SCFD2: variants seen among roughly 807,000 people sequenced by gnomAD.
The protein encoded by SCFD2 is sec1 family domain-containing protein 2.
In SCFD2, 54 loss-of-function variants were observed where a neutral mutation model predicts 58.9. That is an observed-to-expected ratio of 0.92 (90% CI 0.74 to 1.15). SCFD2 has a LOEUF of 1.15. SCFD2 is among the 50% of genes most tolerant of loss of function. The probability of loss-of-function intolerance (pLI) is 0.00; values close to 1 mark genes in which losing one functional copy is unlikely to be tolerated. For missense variants in SCFD2, 805 were observed against 836.6 expected (o/e 0.96, Z 0.47); for synonymous variants, 321 against 335.9 (o/e 0.96, Z 0.49).
chr4:52,890,179 C>T (rs1366695851), intron 7 of SCFD2, among the ~76,000 whole-genome samples: 1 of 152,170 alleles, frequency 6.6e-6, no homozygotes, highest in Non-Finnish European at 1.5e-5. Context: ...GGCTCCAGAA[C>T]TTGAACGTGG....
chr4:53,354,031 A>G (rs1301549838), intron 1 of SCFD2, among the ~76,000 whole-genome samples: 1 of 152,270 alleles, frequency 6.6e-6, no homozygotes, highest in South Asian at 2.1e-4. Context: ...CTAGTGGATC[A>G]CGCGCCAGGG....
At chr4:53,075,182 A>T (rs1307402276) in intron 5 of SCFD2, among the ~76,000 whole-genome samples, 6 of 152,144 alleles carry the variant, frequency 3.9e-5, no homozygotes, top group African/African-American at 1.4e-4. Context: ...GCTTTCCTTA[A>T]ACCTCATGAA....
chr4:53,029,378 G>A (rs774394742), intron 5 of SCFD2, among the ~76,000 whole-genome samples: 1 of 152,212 alleles, frequency 6.6e-6, no homozygotes, highest in Non-Finnish European at 1.5e-5. Flanking sequence ...AGGCCTTCTG[G>A]TAAACAGGTG....
chr4:52,941,250 C>A (rs1388622021), intron 5 of SCFD2, among the ~76,000 whole-genome samples: 1 of 152,178 alleles, frequency 6.6e-6, no homozygotes, highest in African/African-American at 2.4e-5. Context: ...AGACAACATA[C>A]ATACCTGTTT....
At chr4:53,092,327 C>G (rs912555237) in intron 5 of SCFD2, among the ~76,000 whole-genome samples, 1 of 152,062 alleles carries the variant, frequency 6.6e-6, no homozygotes. Context: ...AGGAAATAAC[C>G]TCAAAATTGT....
intron 5 of SCFD2, among the ~76,000 whole-genome samples, chr4:53,089,467 T>C (rs1724410576): frequency 6.6e-6 from 1 of 152,190 alleles, no homozygotes; most frequent in Non-Finnish European, 1.5e-5. Flanking sequence ...GTAACTAAAA[T>C]TAAAATGCAG....
At chr4:53,269,827 C>T (rs893847127) in intron 4 of SCFD2, among the ~76,000 whole-genome samples, 3 of 152,172 alleles carry the variant, frequency 2.0e-5, no homozygotes, top group Admixed American at 1.3e-4. Flanking sequence ...AAGTTCGAGA[C>T]CAGCATGGCC....
chr4:52,877,030 C>T (rs1303755305), intron 8 of SCFD2, among the ~76,000 whole-genome samples: 3 of 152,152 alleles, frequency 2.0e-5, no homozygotes, highest in Non-Finnish European at 2.9e-5. Flanking sequence ...TCTCCATCCC[C>T]ATGGGTGCTA....
chr4:53,203,304 G>T (rs58383004), intron 4 of SCFD2, among the ~76,000 whole-genome samples: 5 of 152,132 alleles, frequency 3.3e-5, no homozygotes, highest in Non-Finnish European at 5.9e-5. Flanking sequence ...TTTGTCTTTG[G>T]TTCTGTTTAT....
At chr4:53,223,213 C>G (rs1729101137) in intron 4 of SCFD2, among the ~76,000 whole-genome samples, 1 of 152,046 alleles carries the variant, frequency 6.6e-6, no homozygotes, top group Non-Finnish European at 1.5e-5. Context: ...AGGAAATTTA[C>G]CCATATGTAA....
chr4:53,335,085 T>G (rs1733633473), intron 2 of SCFD2, among the ~76,000 whole-genome samples: 1 of 151,528 alleles, frequency 6.6e-6, no homozygotes, highest in Non-Finnish European at 1.5e-5. Flanking sequence ...TAATCCCAGT[T>G]ACTCAATGAC....
intron 5 of SCFD2, among the ~76,000 whole-genome samples, chr4:53,068,151 G>A (rs1180309340): frequency 6.6e-6 from 1 of 151,974 alleles, no homozygotes; most frequent in Non-Finnish European, 1.5e-5. Flanking sequence ...AATGTAAAGG[G>A]TCTTTCAAAA....
At chr4:53,289,739 A>G (rs1048849925) in intron 3 of SCFD2, among the ~76,000 whole-genome samples, 4 of 152,190 alleles carry the variant, frequency 2.6e-5, no homozygotes, top group African/African-American at 9.7e-5. Context: ...CAAAAGACCC[A>G]TTTTAGCTTT....
intron 2 of SCFD2, among the ~76,000 whole-genome samples, chr4:53,329,765 GAGA>G (rs1474874249): frequency 3.3e-5 from 5 of 151,486 alleles, no homozygotes; most frequent in African/African-American, 1.2e-4. Flanking sequence ...GACGAGCTGA[GAGA>G]AGAAGGCTTC....
chr4:52,985,170 TTGAC>T (rs1471614224), intron 5 of SCFD2, among the ~76,000 whole-genome samples: 7 of 152,198 alleles, frequency 4.6e-5, no homozygotes, highest in African/African-American at 1.2e-4. Flanking sequence ...TTAATACTGT[TTGAC>T]TGTGTGACTG....
intron 3 of SCFD2, among the ~76,000 whole-genome samples, chr4:53,278,086 G>C (rs1172045310): frequency 6.6e-6 from 1 of 151,566 alleles, no homozygotes; most frequent in Non-Finnish European, 1.5e-5. Flanking sequence ...AACAGTCCTC[G>C]CCAGGCGCAG....
intron 5 of SCFD2, among the ~76,000 whole-genome samples, chr4:53,108,474 G>A (rs967636887): frequency 6.6e-6 from 1 of 151,852 alleles, no homozygotes. Flanking sequence ...TGACTAGTCA[G>A]ACTAATAAAG....
At chr4:53,285,086 A>G (rs546846414) in intron 3 of SCFD2, among the ~76,000 whole-genome samples, 1 of 152,344 alleles carries the variant, frequency 6.6e-6, no homozygotes, top group Admixed American at 6.5e-5. Flanking sequence ...CAAGGCTACC[A>G]TGGAATAAGG....
At chr4:53,193,466 C>T (rs1252571459) in intron 4 of SCFD2, among the ~76,000 whole-genome samples, 2 of 152,134 alleles carry the variant, frequency 1.3e-5, no homozygotes, top group African/African-American at 4.8e-5. Flanking sequence ...TCACTTAAAT[C>T]TATGGACTTC....
Sources: gnomAD v4.1 joint callset for allele counts (sites outside exome capture counted in the v4.1 genomes callset) on GRCh38, gnomAD v4.1.1 for gene constraint, MANE v1.5 for transcripts, NCBI Gene and HGNC (gene_info 2026-07-23, HGNC 2026-07-21) for gene names.